GTF2IRD1: variants seen among roughly 807,000 people sequenced by gnomAD.
The protein encoded by GTF2IRD1 is general transcription factor II-I repeat domain-containing protein 1.
A neutral mutation model predicts 113.2 loss-of-function variants in GTF2IRD1; 26 were observed. The observed-to-expected ratio is 0.23, with a 90% CI of 0.17 to 0.32. GTF2IRD1 has a LOEUF of 0.32. Among genes scored for constraint, GTF2IRD1 ranks in the 10% least tolerant of loss-of-function variants. The pLI is 1.00. For synonymous variants in GTF2IRD1, 484 were observed against 529.1 expected (o/e 0.91, Z 1.17); for missense variants, 864 against 1,280.8 (o/e 0.67, Z 4.97).
chr7:74,586,600 G>A (rs587771835), intron 22 of GTF2IRD1, among the ~76,000 whole-genome samples: 1 of 152,278 alleles, frequency 6.6e-6, no homozygotes, highest in Admixed American at 6.5e-5. Flanking sequence ...ACCTGAGGTG[G>A]TGGGTGTTGG....
At chr7:74,596,759 A>T (rs1481248516) in intron 25 of GTF2IRD1, among the ~76,000 whole-genome samples, 2 of 152,108 alleles carry the variant, frequency 1.3e-5, no homozygotes, top group African/African-American at 4.8e-5. Flanking sequence ...TTTGAAACCA[A>T]CCTGGGCAAC....
chr7:74,590,787 A>G, intron 23 of GTF2IRD1, 38 bp from the exon 24 acceptor site: 1 of 1,415,202 alleles, frequency 7.1e-7, no homozygotes, highest in Admixed American at 1.9e-5. Flanking sequence ...CATTGACAGG[A>G]GACATCTTTC....
At position 74,510,158 on chromosome 7, in the gene GTF2IRD1, C is replaced by T. The variant is rs78372424; in HGVS notation, c.123+1955C>T. ...ACACTCTCTCCATGATGACCCCTCC[C>T]CTATGCAGAGTGACTTTCATGAGGA... On this transcript the variant is annotated intron_variant, in intron 2 of 26. Coordinates refer to ENST00000424337, the MANE Select transcript of GTF2IRD1 (RefSeq NM_005685.4). 0.025 allele frequency among the ~76,000 whole-genome samples: 3,804 copies of T among 152,132 alleles called. 405 individuals are homozygous for T. The East Asian group carries it at 0.35, about 14-fold the overall frequency.
intron 1 of GTF2IRD1, among the ~76,000 whole-genome samples, chr7:74,493,136 G>T (rs1182275499): frequency 5.4e-5 from 8 of 148,862 alleles, no homozygotes; most frequent in African/African-American, 1.5e-4. Flanking sequence ...TGAGATAGGG[G>T]TCTCACTGTC....
intron 17 of GTF2IRD1, among the ~76,000 whole-genome samples, chr7:74,550,054 C>T (rs1418458448): frequency 1.3e-5 from 2 of 151,340 alleles, no homozygotes; most frequent in Non-Finnish European, 2.9e-5. Context: ...AAAAATTAGC[C>T]AGGCATGGTG....
chr7:74,456,313 A>G (rs138594040), intron 1 of GTF2IRD1, among the ~76,000 whole-genome samples: 1 of 152,282 alleles, frequency 6.6e-6, no homozygotes, highest in East Asian at 1.9e-4. Flanking sequence ...CCTTGGAACC[A>G]TAGACTGCAG....
At chr7:74,562,555 C>CTTTT (rs1167468655) in intron 22 of GTF2IRD1, among the ~76,000 whole-genome samples, 940 of 62,698 alleles carry the variant, frequency 0.015, 199 homozygotes, top group African/African-American at 0.041. Context: ...CAATTGCCCT[C>CTTTT]TTTTTTTTTT....
intron 16 of GTF2IRD1, among the ~76,000 whole-genome samples, chr7:74,546,360 T>C (rs1272467996): frequency 6.6e-6 from 1 of 151,870 alleles, no homozygotes; most frequent in Non-Finnish European, 1.5e-5. Flanking sequence ...TAGCTGGGAT[T>C]ACAGGCACCT....
rs1463656199 is a variant in GTF2IRD1 at position 74,519,578 on chromosome 7, A to G, written c.775A>G (p.Ser259Gly). The change falls in exon 6 of 27, where the codon AGC (serine) becomes GGC (glycine). Residue 259 changes from serine (S) to glycine (G), a missense_variant. Transcript: ENST00000424337. Reference protein sequence around the residue: ...TSSSMASFLYSTALPNHAIRE... With the variant: ...TSSSMASFLYGTALPNHAIRE... ...CTCCTCCATGGCCAGCTTCCTGTAC[A>G]GCACGGCGCTCCCCAACCACGCCAT... The G allele has an allele frequency of 6.2e-7, 1 of 1,612,510 alleles. No homozygotes were observed. The highest frequency in any genetic ancestry group is 8.5e-7 in the Non-Finnish European group (1 of 1,179,732).
intron 16 of GTF2IRD1, among the ~76,000 whole-genome samples, chr7:74,546,377 A>G (rs1314086132): frequency 6.6e-6 from 1 of 151,842 alleles, no homozygotes; most frequent in Non-Finnish European, 1.5e-5. Context: ...ACCTGCCACC[A>G]TACCCGGCTA....
intron 22 of GTF2IRD1, among the ~76,000 whole-genome samples, chr7:74,565,072 G>T (rs868944073): frequency 1.0e-4 from 15 of 148,828 alleles, no homozygotes; most frequent in Admixed American, 3.4e-4. Context: ...GGATGGGGGG[G>T]ACTGGGTCCC....
At chr7:74,565,692 G>A (rs1172482750) in intron 22 of GTF2IRD1, among the ~76,000 whole-genome samples, 1 of 150,194 alleles carries the variant, frequency 6.7e-6, no homozygotes, top group Non-Finnish European at 1.5e-5. Context: ...AAAGGGGGTC[G>A]GGCATGGTGG....
intron 11 of GTF2IRD1, among the ~76,000 whole-genome samples, chr7:74,537,799 C>G (rs1798387892): frequency 6.6e-6 from 1 of 152,210 alleles, no homozygotes; most frequent in African/African-American, 2.4e-5. Context: ...CTCAGTCCCC[C>G]ACAAGCAGTG....
chr7:74,463,717 T>G (rs1365914286), intron 1 of GTF2IRD1, among the ~76,000 whole-genome samples: 1 of 149,614 alleles, frequency 6.7e-6, no homozygotes, highest in Non-Finnish European at 1.5e-5. Flanking sequence ...GTAGGACCAC[T>G]GTTGTTTTTT....
intron 3 of GTF2IRD1, chr7:74,515,219 G>C: frequency 1.2e-6 from 1 of 820,738 alleles, no homozygotes; most frequent in Non-Finnish European, 1.9e-6. Context: ...GTGACCAGAG[G>C]TGAGGCCCAG....
intron 1 of GTF2IRD1, among the ~76,000 whole-genome samples, chr7:74,460,768 T>C (rs1793310660): frequency 6.6e-6 from 1 of 152,106 alleles, no homozygotes; most frequent in South Asian, 2.1e-4. Flanking sequence ...CCAAGTAAGA[T>C]TTTCATGTAG....
At chr7:74,490,552 C>T (rs1009940834) in intron 1 of GTF2IRD1, among the ~76,000 whole-genome samples, 1 of 151,460 alleles carries the variant, frequency 6.6e-6, no homozygotes, top group East Asian at 1.9e-4. Context: ...ACCCCCCCCC[C>T]CGCCCGCCTT....
At chr7:74,589,376 T>C (rs1554368753) in intron 22 of GTF2IRD1, among the ~76,000 whole-genome samples, 4 of 150,448 alleles carry the variant, frequency 2.7e-5, no homozygotes, top group Non-Finnish European at 4.4e-5. Flanking sequence ...GAAAAATGGA[T>C]GGAGGGACAG....
intron 14 of GTF2IRD1, among the ~76,000 whole-genome samples, chr7:74,540,762 A>G (rs1562851564): frequency 6.6e-6 from 1 of 151,866 alleles, no homozygotes; most frequent in Non-Finnish European, 1.5e-5. Flanking sequence ...CAGCCTGGGC[A>G]ACATAGAGAG....
Sources: allele counts gnomAD v4.1 joint callset (sites outside exome capture counted in the v4.1 genomes callset), GRCh38; gene constraint gnomAD v4.1.1; transcripts MANE v1.5; gene names NCBI Gene and HGNC (gene_info 2026-07-23, HGNC 2026-07-21).